Variants in PDE8B observed in about 807,000 individuals in gnomAD.
PDE8B encodes high affinity cAMP-specific and IBMX-insensitive 3',5'-cyclic phosphodiesterase 8B.
Under a neutral mutation model 101.3 loss-of-function variants are expected in PDE8B, and 26 were observed. The observed-to-expected ratio is 0.26, with a 90% CI of 0.19 to 0.36. The LOEUF is 0.36. Ranked by LOEUF, PDE8B falls within the 10% of genes least tolerant of loss-of-function variation. PDE8B has a pLI of 1.00. For synonymous variants in PDE8B, 424 were observed against 429.3 expected (o/e 0.99, Z 0.15); for missense variants, 810 against 1,163.1 (o/e 0.70, Z 4.42).
Position 77,428,056 on chromosome 5 carries a change from G to C in PDE8B, c.*1502G>C, listed in dbSNP as rs1014323970. ...ATATGACAATTCCATGCAAAGAAAT[G>C]TATCTAAATTATTTTTGTTAGATGA... On this transcript the variant is annotated 3_prime_UTR_variant, in exon 22 of 22. Coordinates refer to ENST00000264917, the MANE Select transcript of PDE8B (RefSeq NM_003719.5). The C allele has an allele frequency of 6.6e-6, 1 of 152,196 alleles. No homozygotes were observed. Among genetic ancestry groups the C allele is most frequent in the African/African-American group, 2.4e-5 (1 of 41,448 alleles). 9.4% of individuals were successfully genotyped at this position (152,196 alleles called of 1,614,324 possible). A position where few individuals can be genotyped will look rare whatever the true frequency, so the allele number is the denominator to read the frequency against.
At chr5:77,089,868 A>G in the PDE8B span, among the ~76,000 whole-genome samples, 1 of 152,234 alleles carries the variant, frequency 6.6e-6, no homozygotes, top group African/African-American at 2.4e-5. Flanking sequence ...CACACTATTC[A>G]CAATAGCCAA....
chr5:77,103,253 G>A, the PDE8B span, among the ~76,000 whole-genome samples: 2 of 152,062 alleles, frequency 1.3e-5, no homozygotes, highest in South Asian at 4.1e-4. Flanking sequence ...AAATGAAAAC[G>A]CTTAATGGAA....
At chr5:77,310,648 T>C (rs1331821717) in intron 1 of PDE8B, among the ~76,000 whole-genome samples, 1 of 152,082 alleles carries the variant, frequency 6.6e-6, no homozygotes, top group South Asian at 2.1e-4. Context: ...GGAGGCTGCC[T>C]CCCCAAGAGG....
the PDE8B span, among the ~76,000 whole-genome samples, chr5:77,097,402 A>C: frequency 6.6e-6 from 1 of 151,968 alleles, no homozygotes; most frequent in Admixed American, 6.6e-5. Context: ...TTGATGAATT[A>C]AGAATTAGGA....
At chr5:77,127,165 G>A in the PDE8B span, among the ~76,000 whole-genome samples, 2 of 152,132 alleles carry the variant, frequency 1.3e-5, no homozygotes, top group South Asian at 4.1e-4. Context: ...CCAGGTGAAT[G>A]GTTTGGCTCT....
chr5:77,319,904 C>G (rs1390403381), intron 2 of PDE8B, among the ~76,000 whole-genome samples: 2 of 152,144 alleles, frequency 1.3e-5, no homozygotes, highest in African/African-American at 4.8e-5. Context: ...AAGCACTGTC[C>G]AAACTACTCT....
chr5:77,411,803 G>A, intron 15 of PDE8B, 82 bp downstream of exon 15: 1 of 1,088,616 alleles, frequency 9.2e-7, no homozygotes, highest in East Asian at 2.4e-5. Context: ...TGTTCTGGGA[G>A]GTGTTACTTC....
chr5:77,093,218 T>C, the PDE8B span, among the ~76,000 whole-genome samples: 1 of 152,230 alleles, frequency 6.6e-6, no homozygotes, highest in African/African-American at 2.4e-5. Flanking sequence ...ACCCAGGCTT[T>C]GATTTATGCA....
At chr5:77,258,270 C>T (rs931618780) in intron 1 of PDE8B, among the ~76,000 whole-genome samples, 6 of 97,704 alleles carry the variant, frequency 6.1e-5, no homozygotes, top group Admixed American at 1.5e-4. Context: ...GCCTGGGTGA[C>T]AAAAGCGAGA....
At chr5:77,280,649 A>T (rs1014513375) in intron 1 of PDE8B, among the ~76,000 whole-genome samples, 1 of 152,096 alleles carries the variant, frequency 6.6e-6, no homozygotes, top group African/African-American at 2.4e-5. Context: ...TAATCCCAGC[A>T]CTTTGGGAGT....
chr5:77,196,948 A>G, the PDE8B span, among the ~76,000 whole-genome samples: 2 of 152,126 alleles, frequency 1.3e-5, no homozygotes, highest in African/African-American at 4.8e-5. Flanking sequence ...GGAAATGTCT[A>G]TCTAAACTGT....
At chr5:77,265,084 G>C (rs1310929524) in intron 1 of PDE8B, among the ~76,000 whole-genome samples, 1 of 152,174 alleles carries the variant, frequency 6.6e-6, no homozygotes, top group Non-Finnish European at 1.5e-5. Context: ...GTCCTTGTAA[G>C]ATGTTTTGAG....
At chr5:77,373,510 G>A (rs1426215444) in intron 10 of PDE8B, among the ~76,000 whole-genome samples, 1 of 151,780 alleles carries the variant, frequency 6.6e-6, no homozygotes, top group Non-Finnish European at 1.5e-5. Flanking sequence ...GACCCTCCTT[G>A]CCCTCCTTTA....
the PDE8B span, chr5:77,180,473 C>T: frequency 2.0e-6 from 2 of 985,410 alleles, no homozygotes; most frequent in Non-Finnish European, 2.4e-6. Flanking sequence ...TACTGCCCAC[C>T]GAGCGCGTGC....
At chr5:77,170,335 C>T in the PDE8B span, among the ~76,000 whole-genome samples, 2 of 152,166 alleles carry the variant, frequency 1.3e-5, no homozygotes, top group Admixed American at 6.5e-5. Context: ...AAGACTGGGT[C>T]CCTTCTCTTA....
rs193211525 is a variant in PDE8B, at chr5:77,272,824, G to C, written c.340-39170G>C. Among the ~76,000 whole-genome samples, 845 of 152,238 alleles carry C rather than the reference G, an allele frequency of 5.6e-3. 5 individuals are homozygous for C. Among genetic ancestry groups the C allele is most frequent in the South Asian group, 0.014 (68 of 4,816 alleles). ...AGAGCCATATGGAAGTGGTCAACTA[G>C]GAGGTTTCTGTGCTGGGAAGGGAGG... On this transcript the variant is annotated intron_variant, in intron 1 of 21. Coordinates refer to ENST00000264917, the MANE Select transcript of PDE8B (RefSeq NM_003719.5).
At chr5:77,411,544 C>G (rs1297397828) in intron 14 of PDE8B, 132 bp from the exon 15 acceptor site, 1 of 725,450 alleles carries the variant, frequency 1.4e-6, no homozygotes, top group Non-Finnish European at 2.4e-6. Flanking sequence ...TAATTTTGAG[C>G]TTTGCTTCAA....
intron 1 of PDE8B, among the ~76,000 whole-genome samples, chr5:77,232,102 T>C (rs910116808): frequency 6.6e-6 from 1 of 152,252 alleles, no homozygotes; most frequent in Admixed American, 6.5e-5. Flanking sequence ...AGTGATCACA[T>C]TGTATATTTT....
At chr5:77,357,778 C>A (rs1488581642) in intron 10 of PDE8B, among the ~76,000 whole-genome samples, 1 of 152,264 alleles carries the variant, frequency 6.6e-6, no homozygotes, top group Non-Finnish European at 1.5e-5. Context: ...CTGACGCCAT[C>A]TTTCTTTTCT....
Sources: gnomAD v4.1 joint callset for allele counts (sites outside exome capture counted in the v4.1 genomes callset) on GRCh38, gnomAD v4.1.1 for gene constraint, MANE v1.5 for transcripts, NCBI Gene and HGNC (gene_info 2026-07-23, HGNC 2026-07-21) for gene names.